Variants in PER3 observed in about 807,000 individuals in gnomAD.
PER3 encodes the protein period circadian regulator 3.
A neutral mutation model predicts 127.2 loss-of-function variants in PER3; 107 were observed. The ratio of observed to expected loss-of-function variants is 0.84; its 90% CI spans 0.72 to 0.99. PER3 has a LOEUF of 0.99. Among genes scored for constraint, PER3 ranks in the 50% least tolerant of loss-of-function variants. The pLI is 0.00. For synonymous variants in PER3, 618 were observed against 585.8 expected (o/e 1.05, Z -0.79); for missense variants, 1,560 against 1,525.8 (o/e 1.02, Z -0.37).
At chr1:7,820,378 C>G in intron 15 of PER3, 89 bp from the exon 16 acceptor site, 2 of 1,424,102 alleles carry the variant, frequency 1.4e-6, no homozygotes, top group Non-Finnish European at 1.9e-6. Flanking sequence ...TTTAATTTCT[C>G]AGTTACAAAC....
At chr1:7,799,610 C>CT (rs2097161096) in intron 7 of PER3, among the ~76,000 whole-genome samples, 1 of 93,254 alleles carries the variant, frequency 1.1e-5, no homozygotes, top group South Asian at 3.6e-4. Context: ...AACTCTGTCT[C>CT]AAAAAAAAAA....
chr1:7,820,749 C>T (rs2097272948), intron 16 of PER3, 109 bp downstream of exon 16: 1 of 825,832 alleles, frequency 1.2e-6, no homozygotes. Flanking sequence ...CTAAACTACA[C>T]ATATTTTTTC....
At chr1:7,810,101 G>T in intron 12 of PER3, 80 bp downstream of exon 12, 1 of 1,354,036 alleles carries the variant, frequency 7.4e-7, no homozygotes, top group Non-Finnish European at 1.0e-6. Context: ...TGACATCTTA[G>T]TATATATTCC....
intron 5 of PER3, among the ~76,000 whole-genome samples, chr1:7,789,662 A>G (rs778509111): frequency 1.3e-5 from 2 of 152,222 alleles, no homozygotes; most frequent in Admixed American, 1.3e-4. Context: ...GGATGTTTAC[A>G]TTGTTGTGAA....
Position 7,788,192 on chromosome 1 carries a change from T to TA in PER3, c.539dup (p.Tyr180Ter). 7 of 1,614,150 alleles carry TA rather than the reference T, an allele frequency of 4.3e-6. No homozygotes were observed. The highest frequency in any genetic ancestry group is 5.1e-6 in the Non-Finnish European group (6 of 1,179,990). The change falls in exon 5 of 22, where the codon TAC becomes TAAC. Residue 180 changes from tyrosine to a stop codon, truncating the protein, a stop_gained and frameshift_variant. Transcript: ENST00000377532. LOFTEE classifies it high-confidence loss of function. ...LLAPQDMRVF[Y>*]AHTARAQLPF... ...TGCACCTCAAGACATGAGGGTATTC[T>TA]ACGCGCACACTGCCAGAGCTCAGCT...
chr1:7,798,506 A>T lies in PER3; in HGVS notation c.645-19A>T. On this transcript the variant is annotated intron_variant, in intron 6 of 21. Coordinates refer to ENST00000377532, the MANE Select transcript of PER3 (RefSeq NM_001377275.1). ...GTAGGGTGCGTCAGGACCAGCACTA[A>T]TATCTTTAATCTCCTCAGTGGAGGT... The T allele has an allele frequency of 6.2e-7, 1 of 1,608,440 alleles. No homozygotes were observed. The highest frequency in any genetic ancestry group is 8.5e-7 in the Non-Finnish European group (1 of 1,176,144).
intron 19 of PER3, among the ~76,000 whole-genome samples, chr1:7,832,958 T>C (rs2097340184): frequency 6.6e-6 from 1 of 151,944 alleles, no homozygotes; most frequent in African/African-American, 2.4e-5. Flanking sequence ...TGGCCTCAGC[T>C]TCCTGAGTAG....
intron 2 of PER3, 75 bp downstream of exon 2, chr1:7,785,080 A>C: frequency 6.8e-7 from 1 of 1,477,722 alleles, no homozygotes; most frequent in African/African-American, 1.5e-5. Context: ...GGGGACCTAA[A>C]TCTTTTTATT....
intron 2 of PER3, 146 bp downstream of exon 2, chr1:7,785,151 T>C (rs759244817): frequency 1.1e-5 from 10 of 911,098 alleles, no homozygotes; most frequent in Non-Finnish European, 1.6e-5. Context: ...TAGGATGAAG[T>C]GATCCGTGAC....
chr1:7,800,126 T>A (rs1199730322), intron 7 of PER3, among the ~76,000 whole-genome samples: 1 of 152,068 alleles, frequency 6.6e-6, no homozygotes, highest in Non-Finnish European at 1.5e-5. Flanking sequence ...TTTTCTGCAT[T>A]CACTTAAGGC....
rs2097305853 is a variant in PER3 at position 7,827,239 on chromosome 1, A to G, written c.2310A>G (p.Gly770=). The change falls in exon 18 of 22, where the codon GGA becomes GGG. Residue 770 remains glycine, a synonymous_variant. Transcript: ENST00000377532. ...ACACCGGCTCTGGTCCCCGCAGGGG[A>G]GCGCATCAGAACGCACAGCCCTGCT... ...SSNTGSGPRR[G]AHQNAQPCCP... is the part of the protein sequence containing the mutation. 6.2e-7 allele frequency: 1 copy of G among 1,613,878 alleles called. No individual in the cohort carries two copies. The highest frequency in any genetic ancestry group is 1.7e-5 in the Admixed American group (1 of 60,012).
At chr1:7,837,238 T>G in intron 21 of PER3, 89 bp downstream of exon 21, 1 of 1,069,986 alleles carries the variant, frequency 9.3e-7, no homozygotes. Context: ...ATGATCCCAC[T>G]AAAAACTTTA....
Position 7,834,218 on chromosome 1 carries a change from C to T in PER3, c.3215-1544C>T, listed in dbSNP as rs538693601. On this transcript the variant is annotated intron_variant, in intron 19 of 21. Coordinates refer to ENST00000377532, the MANE Select transcript of PER3 (RefSeq NM_001377275.1). ...TACAGGTGTGAGCCACCACGCCCAG[C>T]CTGCTCTAGGTTGTACAATGCACAT... is the stretch of plus-strand genomic sequence containing the variant. Among the ~76,000 whole-genome samples, 3 of 152,308 alleles carry T rather than the reference C, an allele frequency of 2.0e-5. No homozygotes were observed. In the East Asian group the frequency reaches 5.8e-4, roughly 29 times the overall value.
intron 19 of PER3, 59 bp downstream of exon 19, chr1:7,830,220 G>T: frequency 6.3e-6 from 9 of 1,438,938 alleles, no homozygotes; most frequent in Non-Finnish European, 8.7e-6. Flanking sequence ...ACTATGTGCT[G>T]AGCTCTCACT....
intron 10 of PER3, 126 bp downstream of exon 10, chr1:7,803,974 C>T: frequency 4.1e-6 from 3 of 729,782 alleles, no homozygotes; most frequent in Non-Finnish European, 6.7e-6. Context: ...GTTTTCGGTG[C>T]TTTGGGGAGA....
chr1:7,784,548 G>A (rs2097075294), intron 1 of PER3, 106 bp from the exon 2 acceptor site: 1 of 195,708 alleles, frequency 5.1e-6, no homozygotes, highest in Non-Finnish European at 1.0e-5. Flanking sequence ...GGGAAAGTTG[G>A]GGCAGGGGTG....
chr1:7,793,962 G>A lies in PER3; in HGVS notation c.598G>A (p.Ala200Thr). The A allele has an allele frequency of 6.2e-7, 1 of 1,613,784 alleles. No individual in the cohort carries two copies. Among genetic ancestry groups the A allele is most frequent in the Non-Finnish European group, 8.5e-7 (1 of 1,179,646 alleles). ...CCAGGCATCTTTCTTTCTAGCAGCT[G>A]CACGGTATGAATGTGCTCCGGTGAA... ...FWNNWTQRAA[A>T]RYECAPVKPF... Residue 200 changes from alanine (A) to threonine (T), a missense_variant, in exon 6 of 22, where the codon GCA (alanine) becomes ACA (threonine). Physicochemically the swap from Ala to Thr is moderately conservative, Grantham distance 58 (BLOSUM62 0). Coordinates refer to ENST00000377532, the MANE Select transcript of PER3 (RefSeq NM_001377275.1).
At position 7,843,031 on chromosome 1, in the gene PER3, CT is replaced by C; in HGVS notation, c.*279del. ...ATGGCCTCTAAAGAGGTATGTGTAT[CT>C]TTATTTCAGATGTCACCCAGAGTAA... On this transcript the variant is annotated 3_prime_UTR_variant, in exon 22 of 22. Transcript: ENST00000377532. 1 of 199,362 alleles carries C rather than the reference CT, an allele frequency of 5.0e-6. No homozygotes were observed. The highest frequency in any genetic ancestry group is 1.0e-5 in the Non-Finnish European group (1 of 98,088). The allele number at this position is 199,362 out of a possible 1,614,324, so 12.3% of individuals were successfully genotyped here. A position where few individuals can be genotyped will look rare whatever the true frequency, so the allele number is the denominator to read the frequency against.
chr1:7,803,706 G>A lies in PER3; in HGVS notation c.994G>A (p.Gly332Arg), dbSNP rs2097180613. ...ATTTTATATAGTTTTGAAGTATGCA[G>A]GGCATCCTCCCTTTGAACATTCTCC... is the stretch of plus-strand genomic sequence containing the variant. ...AIHQKVLKYA[G>R]HPPFEHSPIR... is the part of the protein sequence containing the mutation. The change falls in exon 10 of 22, where the codon GGG becomes AGG. Residue 332 changes from glycine to arginine, a missense_variant. Gly to Arg is a moderately radical substitution (Grantham distance 125). Transcript: ENST00000377532. 1.2e-6 allele frequency: 2 copies of A among 1,600,568 alleles called. No individual in the cohort carries two copies. Among genetic ancestry groups the A allele is most frequent in the Non-Finnish European group, 8.6e-7 (1 of 1,168,174 alleles).
Sources: gnomAD v4.1 joint callset for allele counts (sites outside exome capture counted in the v4.1 genomes callset) on GRCh38, gnomAD v4.1.1 for gene constraint, MANE v1.5 for transcripts, NCBI Gene and HGNC (gene_info 2026-07-23, HGNC 2026-07-21) for gene names.